GPC6: variants seen among roughly 807,000 people sequenced by gnomAD.
GPC6 encodes glypican 6, also known as glypican-6.
GPC6 carries 14 observed loss-of-function variants against 55.2 expected under a neutral mutation model. That is an observed-to-expected ratio of 0.25 (90% CI 0.17 to 0.40). The LOEUF (loss-of-function observed/expected upper bound fraction) is 0.40. GPC6 is among the 10% of genes least tolerant of loss of function. GPC6 has a pLI of 1.00. For synonymous variants in GPC6, 278 were observed against 259.6 expected (o/e 1.07, Z -0.68); for missense variants, 641 against 708.5 (o/e 0.90, Z 1.08).
chr13:93,574,030 T>C (rs1876541788), intron 2 of GPC6, among the ~76,000 whole-genome samples: 1 of 152,170 alleles, frequency 6.6e-6, no homozygotes, highest in Non-Finnish European at 1.5e-5. Context: ...AGGTGTTTTT[T>C]AATGGCATAT....
chr13:93,429,884 CA>C (rs1877290810), intron 1 of GPC6, among the ~76,000 whole-genome samples: 1 of 152,018 alleles, frequency 6.6e-6, no homozygotes, highest in African/African-American at 2.4e-5. Flanking sequence ...TCGGGAATTC[CA>C]GGTTACCTAT....
At chr13:93,216,975 A>C in the GPC6 span, among the ~76,000 whole-genome samples, 1 of 152,366 alleles carries the variant, frequency 6.6e-6, no homozygotes, top group East Asian at 1.9e-4. Flanking sequence ...ATTGCAATAC[A>C]TAATAGTTTT....
At chr13:93,364,003 T>G (rs904264813) in intron 1 of GPC6, among the ~76,000 whole-genome samples, 2 of 152,116 alleles carry the variant, frequency 1.3e-5, no homozygotes, top group Non-Finnish European at 2.9e-5. Context: ...TCTTGTAAAT[T>G]TGTTTGAGTT....
chr13:94,059,731 G>C (rs1179561822), intron 4 of GPC6, among the ~76,000 whole-genome samples: 1 of 151,498 alleles, frequency 6.6e-6, no homozygotes, highest in Non-Finnish European at 1.5e-5. Context: ...ACATCTTTTT[G>C]CTATGCCCTC....
rs1179512950 is a variant in GPC6 at position 94,403,592 on chromosome 13, T to G, written c.*375T>G. 7.2e-6 allele frequency: 2 copies of G among 276,966 alleles called. No individual in the cohort carries two copies. The highest frequency in any genetic ancestry group is 2.2e-5 in the African/African-American group (1 of 45,362). The allele number at this position is 276,966 out of a possible 1,614,324, so 17.2% of individuals were successfully genotyped here. ...AAAGGAAGAAAGAAAATAATTTTCCTTGTAAAATCGGGCCAAACCCCAAGA... is the reference window on the plus strand; with the variant it reads ...AAAGGAAGAAAGAAAATAATTTTCCGTGTAAAATCGGGCCAAACCCCAAGA... On this transcript the variant is annotated 3_prime_UTR_variant, in exon 9 of 9. Transcript: ENST00000377047.
chr13:94,016,737 T>C (rs1314792456), intron 3 of GPC6, among the ~76,000 whole-genome samples: 2 of 152,244 alleles, frequency 1.3e-5, no homozygotes, highest in East Asian at 3.8e-4. Context: ...AGGTCATTTG[T>C]AATTTCCTTC....
intron 4 of GPC6, among the ~76,000 whole-genome samples, chr13:94,118,642 A>G (rs1304022221): frequency 6.6e-6 from 1 of 151,926 alleles, no homozygotes; most frequent in Admixed American, 6.6e-5. Flanking sequence ...GAAAACTCAT[A>G]CTTTCTCTTT....
chr13:93,984,520 G>A (rs952238327), intron 3 of GPC6, among the ~76,000 whole-genome samples: 3 of 152,122 alleles, frequency 2.0e-5, no homozygotes, highest in African/African-American at 7.2e-5. Flanking sequence ...GCTTCTCTTT[G>A]CAGTGAAGAA....
At position 94,272,538 on chromosome 13, in the gene GPC6, A is replaced by G. The variant is rs375606663; in HGVS notation, c.878-13811A>G. 2.6e-3 allele frequency among the ~76,000 whole-genome samples: 344 copies of G among 133,014 alleles called. 3 individuals carry two copies. The highest frequency in any genetic ancestry group is 8.8e-3 in the African/African-American group (300 of 34,194). The allele number at this position is 133,014 out of a possible 152,430, so 87.3% of individuals were successfully genotyped here. A position where few individuals can be genotyped will look rare whatever the true frequency, so the allele number is the denominator to read the frequency against. ...GGCTGGAGTGCAGTGGTGCCATCTC[A>G]GCTCACTGCAAGCTCCGCCTCCCAG... is the stretch of plus-strand genomic sequence containing the variant. On this transcript the variant is annotated intron_variant, in intron 4 of 8. Transcript: ENST00000377047.
At chr13:93,321,608 A>G (rs1247991853) in intron 1 of GPC6, among the ~76,000 whole-genome samples, 1 of 152,208 alleles carries the variant, frequency 6.6e-6, no homozygotes, top group Non-Finnish European at 1.5e-5. Flanking sequence ...GTTGAAATGG[A>G]CCTTAGAATG....
At chr13:93,832,165 C>G (rs1180847791) in intron 3 of GPC6, among the ~76,000 whole-genome samples, 1 of 105,594 alleles carries the variant, frequency 9.5e-6, no homozygotes, top group African/African-American at 3.8e-5. Flanking sequence ...CATTGAATCT[C>G]AACAATGTTT....
At chr13:93,719,819 T>A (rs756835530) in intron 2 of GPC6, among the ~76,000 whole-genome samples, 5 of 152,148 alleles carry the variant, frequency 3.3e-5, no homozygotes, top group Non-Finnish European at 7.4e-5. Context: ...ATGAAGGCCT[T>A]TTCTGCATCT....
intron 3 of GPC6, among the ~76,000 whole-genome samples, chr13:93,973,429 G>A (rs1022897216): frequency 6.6e-6 from 1 of 152,090 alleles, no homozygotes; most frequent in South Asian, 2.1e-4. Context: ...TGATTAAACT[G>A]CTTCCAAGTG....
chr13:94,126,216 C>CA lies in GPC6; in HGVS notation c.877+98332dup, dbSNP rs940827663. The stretch of plus-strand genomic sequence containing the variant: ...GCAACATAGCAAGATCCCATCTCTA[C>CA]AAAAAAAAAATTGAAAATTAGTTGG... On this transcript the variant is annotated intron_variant, in intron 4 of 8. Coordinates refer to ENST00000377047, the MANE Select transcript of GPC6 (RefSeq NM_005708.5). Among the ~76,000 whole-genome samples, 548 of 146,182 alleles carry CA rather than the reference C, an allele frequency of 3.7e-3. 7 individuals carry two copies. Among genetic ancestry groups the CA allele is most frequent in the Admixed American group, 0.028 (420 of 14,876 alleles).
chr13:93,959,452 C>A (rs1434160112), intron 3 of GPC6, among the ~76,000 whole-genome samples: 2 of 152,194 alleles, frequency 1.3e-5, no homozygotes. Context: ...TGTGAGCCAC[C>A]ATGCCCAGCC....
chr13:93,283,340 A>C (rs1031053355), intron 1 of GPC6, among the ~76,000 whole-genome samples: 10 of 152,334 alleles, frequency 6.6e-5, no homozygotes, highest in Admixed American at 2.6e-4. Flanking sequence ...GAGAAAAACA[A>C]AATGTTAAGG....
At chr13:94,118,898 G>C (rs1886526521) in intron 4 of GPC6, among the ~76,000 whole-genome samples, 1 of 152,010 alleles carries the variant, frequency 6.6e-6, no homozygotes, top group African/African-American at 2.4e-5. Context: ...GGCATAAGCA[G>C]GCTCCTCGAC....
the GPC6 span, among the ~76,000 whole-genome samples, chr13:93,216,829 A>T: frequency 6.6e-6 from 1 of 152,218 alleles, no homozygotes; most frequent in Admixed American, 6.5e-5. Context: ...TACTGAGTAG[A>T]AGAGAGATCT....
chr13:93,261,733 C>T (rs1349704099), intron 1 of GPC6, among the ~76,000 whole-genome samples: 2 of 152,058 alleles, frequency 1.3e-5, no homozygotes, highest in Non-Finnish European at 2.9e-5. Context: ...ATGTATTTTG[C>T]CCAGGGTTGG....
Sources: allele counts gnomAD v4.1 joint callset (sites outside exome capture counted in the v4.1 genomes callset), GRCh38; gene constraint gnomAD v4.1.1; transcripts MANE v1.5; gene names NCBI Gene and HGNC (gene_info 2026-07-23, HGNC 2026-07-21).